The following CADPS variants were observed in gnomAD, a reference collection of about 807,000 sequenced individuals.
CADPS encodes calcium dependent secretion activator, also known as calcium-dependent secretion activator 1.
A neutral mutation model predicts 167.3 loss-of-function variants in CADPS; 57 were observed. That is an observed-to-expected ratio of 0.34 (90% CI 0.28 to 0.42). The LOEUF (loss-of-function observed/expected upper bound fraction) is 0.42, where lower values mean the gene tolerates loss of function less well. CADPS is among the 20% of genes least tolerant of loss of function. The pLI is 1.00. For synonymous variants in CADPS, 676 were observed against 635.3 expected (o/e 1.06, Z -0.96); for missense variants, 1,414 against 1,738.1 (o/e 0.81, Z 3.32).
chr3:62,478,018 T>C lies in CADPS; in HGVS notation c.3329+243A>G, dbSNP rs1210447028. On this transcript the variant is annotated intron_variant, in intron 23 of 29. Coordinates refer to ENST00000383710, the MANE Select transcript of CADPS (RefSeq NM_003716.4). This position sits in a 1 kb window ranked among gnomAD's most constrained non-coding sequence, Gnocchi z 5.7. Reference sequence around the variant, plus strand: ...CAAAAAAGAATGGACAGGGATCTTTTCCTCTTAAAGCCAACAACCATGAAA... The same window carrying C: ...CAAAAAAGAATGGACAGGGATCTTTCCCTCTTAAAGCCAACAACCATGAAA... 4.2e-6 allele frequency: 2 copies of C among 473,272 alleles called. No individual in the cohort carries two copies. Among genetic ancestry groups the C allele is most frequent in the Non-Finnish European group, 7.6e-6 (2 of 263,200 alleles). 29.3% of individuals were successfully genotyped at this position (473,272 alleles called of 1,614,324 possible).
intron 14 of CADPS, among the ~76,000 whole-genome samples, chr3:62,517,444 T>C (rs1405289363): frequency 1.3e-5 from 2 of 152,192 alleles, no homozygotes; most frequent in Admixed American, 1.3e-4. Context: ...ATAACTACCT[T>C]ACAAAGTTGT....
chr3:62,757,432 C>A (rs2084237635), intron 2 of CADPS, among the ~76,000 whole-genome samples: 1 of 152,072 alleles, frequency 6.6e-6, no homozygotes, highest in Non-Finnish European at 1.5e-5. Flanking sequence ...TGAGACAGTG[C>A]CTGGCATGTA....
intron 13 of CADPS, among the ~76,000 whole-genome samples, chr3:62,519,685 T>C (rs532292564): frequency 6.6e-6 from 1 of 152,268 alleles, no homozygotes; most frequent in Non-Finnish European, 1.5e-5. Context: ...AGCAGTGTGA[T>C]CATAGCTCAC....
intron 1 of CADPS, among the ~76,000 whole-genome samples, chr3:62,798,815 A>G (rs1301556594): frequency 6.6e-6 from 1 of 152,112 alleles, no homozygotes; most frequent in East Asian, 1.9e-4. Flanking sequence ...CAGTATTCAT[A>G]CCAGATTATG....
chr3:62,694,602 A>G (rs889153080), intron 3 of CADPS, among the ~76,000 whole-genome samples: 5 of 152,058 alleles, frequency 3.3e-5, no homozygotes, highest in Non-Finnish European at 7.4e-5. Flanking sequence ...TTGGTGTACA[A>G]TGCTTCTACC....
Position 62,544,306 on chromosome 3 carries a change from T to G in CADPS, c.1966+5597A>C, listed in dbSNP as rs1449017808. On this transcript the variant is annotated intron_variant, in intron 11 of 29. Coordinates refer to ENST00000383710, the MANE Select transcript of CADPS (RefSeq NM_003716.4). This position sits in a 1 kb window ranked among gnomAD's most constrained non-coding sequence, Gnocchi z 4.4. ...GCTTTCTTAATTGTATTTTGCAATTTCTTCTAGTCTTGCTCAGTTAACAAC... is the reference window on the plus strand; with the variant it reads ...GCTTTCTTAATTGTATTTTGCAATTGCTTCTAGTCTTGCTCAGTTAACAAC... Among the ~76,000 whole-genome samples, 1 of 152,146 alleles carries G rather than the reference T, an allele frequency of 6.6e-6. No individual in the cohort carries two copies. The highest frequency in any genetic ancestry group is 1.5e-5 in the Non-Finnish European group (1 of 68,012).
chr3:62,811,145 G>A (rs1327313442), intron 1 of CADPS, among the ~76,000 whole-genome samples: 4 of 152,126 alleles, frequency 2.6e-5, no homozygotes, highest in African/African-American at 2.4e-5. Flanking sequence ...AAAAGGAGTT[G>A]GAGGGAAAGC....
chr3:62,432,221 G>T (rs984121231), intron 28 of CADPS, among the ~76,000 whole-genome samples: 1 of 152,070 alleles, frequency 6.6e-6, no homozygotes, highest in Non-Finnish European at 1.5e-5. Flanking sequence ...TTTTAACTAC[G>T]TCTGTCTACA....
chr3:62,475,584 G>GAAAAAAAAAAA (rs34263556), intron 23 of CADPS, among the ~76,000 whole-genome samples: 8 of 55,948 alleles, frequency 1.4e-4, no homozygotes, highest in African/African-American at 3.8e-4. Flanking sequence ...CAGTTCTTAA[G>GAAAAAAAAAAA]AAAAAAAAAA....
chr3:62,785,387 T>C (rs1039447968), intron 1 of CADPS, among the ~76,000 whole-genome samples: 7 of 152,224 alleles, frequency 4.6e-5, no homozygotes, highest in Admixed American at 1.3e-4. Context: ...TGTGCCACAC[T>C]GCAAACATTT....
intron 9 of CADPS, among the ~76,000 whole-genome samples, chr3:62,563,247 T>C (rs960289720): frequency 2.6e-5 from 4 of 152,080 alleles, no homozygotes; most frequent in Non-Finnish European, 5.9e-5. Flanking sequence ...AATTGTGGAG[T>C]GGCAAAAACA....
chr3:62,492,145 G>A (rs755502895), intron 20 of CADPS, 145 bp downstream of exon 20: 1 of 702,430 alleles, frequency 1.4e-6, no homozygotes, highest in Non-Finnish European at 2.5e-6. Context: ...TCAGCTGTAT[G>A]TTTCTTTTTG....
At chr3:62,590,917 C>T (rs1414541155) in intron 7 of CADPS, among the ~76,000 whole-genome samples, 1 of 151,984 alleles carries the variant, frequency 6.6e-6, no homozygotes, top group African/African-American at 2.4e-5. Context: ...TGCAATGGAG[C>T]GATCTTGGCT....
intron 10 of CADPS, among the ~76,000 whole-genome samples, chr3:62,551,188 G>C (rs2077267329): frequency 1.3e-5 from 2 of 152,078 alleles, no homozygotes; most frequent in African/African-American, 2.4e-5. Flanking sequence ...GACATCCCAA[G>C]CTTGTGAAAC....
At chr3:62,467,766 A>G (rs1282576118) in intron 24 of CADPS, among the ~76,000 whole-genome samples, 1 of 152,168 alleles carries the variant, frequency 6.6e-6, no homozygotes, top group Non-Finnish European at 1.5e-5. Context: ...TAGCGGGTCT[A>G]TGCTAGTATT....
Position 62,678,506 on chromosome 3 carries a change from C to T in CADPS, c.889-16112G>A, listed in dbSNP as rs1293442478. On this transcript the variant is annotated intron_variant, in intron 3 of 29. Transcript: ENST00000383710. ...GTGTTTCTCAGGAATTTTTTTTTTC[C>T]ACTGGAATGAGAAACCACACTTATC... is the stretch of plus-strand genomic sequence containing the variant. Among the ~76,000 whole-genome samples, 5 of 150,980 alleles carry T rather than the reference C, an allele frequency of 3.3e-5. No homozygotes were observed. In the South Asian group the frequency reaches 8.3e-4, roughly 25 times the overall value.
intron 1 of CADPS, among the ~76,000 whole-genome samples, chr3:62,867,009 TC>T (rs2081820824): frequency 6.6e-6 from 1 of 151,988 alleles, no homozygotes; most frequent in Admixed American, 6.6e-5. Context: ...CTTATGCGAG[TC>T]TTACTCTATC....
At chr3:62,616,553 G>A (rs1344224103) in intron 6 of CADPS, among the ~76,000 whole-genome samples, 3 of 152,150 alleles carry the variant, frequency 2.0e-5, no homozygotes, top group Non-Finnish European at 2.9e-5. Context: ...TGCTGGTCAT[G>A]TCCAGGGACC....
At chr3:62,724,043 C>T (rs979153984) in intron 3 of CADPS, among the ~76,000 whole-genome samples, 9 of 152,180 alleles carry the variant, frequency 5.9e-5, no homozygotes, top group African/African-American at 7.2e-5. Flanking sequence ...GTGAGATGGG[C>T]GCCAGCTGTT....
Sources: gnomAD v4.1 joint callset for allele counts (sites outside exome capture counted in the v4.1 genomes callset) on GRCh38, gnomAD v4.1.1 for gene constraint, Gnocchi (gnomAD v3.1) non-coding constraint, MANE v1.5 for transcripts, NCBI Gene and HGNC (gene_info 2026-07-23, HGNC 2026-07-21) for gene names.